Variants in SH3BGRL2 observed in about 807,000 individuals in gnomAD.
SH3BGRL2 encodes the protein SH3 domain-binding glutamic acid-rich-like protein 2.
In SH3BGRL2, 21 loss-of-function variants were observed where a neutral mutation model predicts 14.8. The ratio of observed to expected loss-of-function variants is 1.42; its 90% CI spans 1.01 to 2.05. SH3BGRL2 has a LOEUF of 2.05. Among genes scored for constraint, SH3BGRL2 ranks in the 30% most tolerant of loss-of-function variants. The pLI is 0.00. For missense variants in SH3BGRL2, 147 were observed against 130.8 expected (o/e 1.12, Z -0.61); for synonymous variants, 50 against 47.8 (o/e 1.05, Z -0.19).
At chr6:79,609,522 G>T in the SH3BGRL2 span, among the ~76,000 whole-genome samples, 1 of 152,102 alleles carries the variant, frequency 6.6e-6, no homozygotes, top group African/African-American at 2.4e-5. Context: ...AGCTCCTCAT[G>T]TGTCTGTCTG....
intron 3 of SH3BGRL2, among the ~76,000 whole-genome samples, chr6:79,699,295 C>T (rs1284444421): frequency 2.0e-5 from 3 of 151,922 alleles, no homozygotes; most frequent in African/African-American, 4.8e-5. Context: ...TTATATTTGG[C>T]AGGTCGGGTG....
At chr6:79,626,207 C>T in the SH3BGRL2 span, among the ~76,000 whole-genome samples, 1 of 152,082 alleles carries the variant, frequency 6.6e-6, no homozygotes, top group African/African-American at 2.4e-5. Context: ...TGCTTGAGGC[C>T]AGGAGTTCAA....
intron 1 of SH3BGRL2, among the ~76,000 whole-genome samples, chr6:79,638,208 T>C (rs1562144303): frequency 6.6e-6 from 1 of 152,206 alleles, no homozygotes; most frequent in Non-Finnish European, 1.5e-5. Flanking sequence ...GTTGAGAACA[T>C]GTATTTATCT....
rs145411824 is a variant in SH3BGRL2, at chr6:79,682,580, A to T, written c.231+8781A>T. ...CTCCTTTCATGACAAGATGATTATT[A>T]TATGTGTTGCTGATAAAACCGGAGT... On this transcript the variant is annotated intron_variant, in intron 2 of 3. Coordinates refer to ENST00000369838, the MANE Select transcript of SH3BGRL2 (RefSeq NM_031469.4). Among the ~76,000 whole-genome samples the T allele has an allele frequency of 2.8e-3, 416 of 149,110 alleles. 2 individuals carry two copies. The highest frequency in any genetic ancestry group is 0.013 in the South Asian group (59 of 4,636).
chr6:79,571,617 C>T, the SH3BGRL2 span, among the ~76,000 whole-genome samples: 1 of 152,142 alleles, frequency 6.6e-6, no homozygotes, highest in African/African-American at 2.4e-5. Context: ...CATCACCCAA[C>T]CTAAGAAATT....
chr6:79,593,818 A>G, the SH3BGRL2 span, among the ~76,000 whole-genome samples: 1 of 152,212 alleles, frequency 6.6e-6, no homozygotes, highest in Non-Finnish European at 1.5e-5. Context: ...ATCAATATAG[A>G]CAAAGCCATT....
chr6:79,565,553 A>G, the SH3BGRL2 span, among the ~76,000 whole-genome samples: 1 of 152,072 alleles, frequency 6.6e-6, no homozygotes, highest in Non-Finnish European at 1.5e-5. Flanking sequence ...CACAATGCAT[A>G]CTTTCTCAGT....
rs529162935 is a variant in SH3BGRL2 at position 79,670,142 on chromosome 6, TTTC to T, written c.46-3471_46-3469del. Among the ~76,000 whole-genome samples the T allele has an allele frequency of 1.6e-3, 243 of 152,376 alleles. 1 individual carries two copies. Among genetic ancestry groups the T allele is most frequent in the African/African-American group, 5.6e-3 (231 of 41,600 alleles). On this transcript the variant is annotated intron_variant, in intron 1 of 3. Coordinates refer to ENST00000369838, the MANE Select transcript of SH3BGRL2 (RefSeq NM_031469.4). ...TTGTTTATGGACACTGGTGTTTATA[TTTC>T]ATATAACTTTTACATGTCATGGAAT...
the SH3BGRL2 span, among the ~76,000 whole-genome samples, chr6:79,619,533 T>C: frequency 3.3e-5 from 5 of 152,216 alleles, no homozygotes; most frequent in African/African-American, 4.8e-5. Flanking sequence ...CTGGTCCTCA[T>C]TGGTATTTGA....
the SH3BGRL2 span, among the ~76,000 whole-genome samples, chr6:79,549,986 AAAAG>A: frequency 6.6e-6 from 1 of 152,184 alleles, no homozygotes; most frequent in Non-Finnish European, 1.5e-5. Context: ...AATGCACAGT[AAAAG>A]AAAAACATGA....
the SH3BGRL2 span, among the ~76,000 whole-genome samples, chr6:79,559,841 A>G: frequency 6.6e-6 from 1 of 152,254 alleles, no homozygotes; most frequent in Non-Finnish European, 1.5e-5. Context: ...ATAGATATAT[A>G]CTACACAAAT....
chr6:79,652,089 G>A (rs1769308310), intron 1 of SH3BGRL2, among the ~76,000 whole-genome samples: 1 of 152,158 alleles, frequency 6.6e-6, no homozygotes, highest in Non-Finnish European at 1.5e-5. Flanking sequence ...GAACAACTGG[G>A]TAGGCTTAGT....
chr6:79,573,317 T>C, the SH3BGRL2 span, among the ~76,000 whole-genome samples: 1 of 152,344 alleles, frequency 6.6e-6, no homozygotes, highest in East Asian at 1.9e-4. Flanking sequence ...GGCCTGGATC[T>C]GTTTCTGGAT....
chr6:79,653,155 A>G (rs1227950435), intron 1 of SH3BGRL2, among the ~76,000 whole-genome samples: 2 of 152,196 alleles, frequency 1.3e-5, no homozygotes, highest in Non-Finnish European at 2.9e-5. Flanking sequence ...TTAGGTTAGC[A>G]TTGTTTTAGC....
At chr6:79,686,358 A>T (rs748971844) in intron 2 of SH3BGRL2, among the ~76,000 whole-genome samples, 8 of 150,440 alleles carry the variant, frequency 5.3e-5, no homozygotes, top group Non-Finnish European at 7.4e-5. Flanking sequence ...CATCTTCAGG[A>T]TCTTTTTTCC....
intron 1 of SH3BGRL2, among the ~76,000 whole-genome samples, chr6:79,659,117 T>G (rs1368958201): frequency 1.3e-5 from 2 of 152,206 alleles, no homozygotes; most frequent in Non-Finnish European, 2.9e-5. Flanking sequence ...TAGTTTCTTT[T>G]GCCGTGCAGA....
At chr6:79,629,311 G>C (rs78615120), upstream of SH3BGRL2, among the ~76,000 whole-genome samples, 3,241 of 152,252 alleles carry the variant, frequency 0.021, 118 homozygotes, top group African/African-American at 0.074. Flanking sequence ...AAGCTCTCTT[G>C]TTTTCCCAGT....
the SH3BGRL2 span, among the ~76,000 whole-genome samples, chr6:79,555,442 TC>T: frequency 6.6e-6 from 1 of 152,012 alleles, no homozygotes; most frequent in Non-Finnish European, 1.5e-5. Flanking sequence ...AGAGCAAGAC[TC>T]CATCTCAAAA....
At chr6:79,618,507 ACCAGC>A in the SH3BGRL2 span, among the ~76,000 whole-genome samples, 1 of 152,276 alleles carries the variant, frequency 6.6e-6, no homozygotes, top group East Asian at 1.9e-4. Flanking sequence ...GGAGTTTGAG[ACCAGC>A]CTGGCCAACA....
Sources: allele counts gnomAD v4.1 joint callset (sites outside exome capture counted in the v4.1 genomes callset), GRCh38; gene constraint gnomAD v4.1.1; transcripts MANE v1.5; gene names NCBI Gene and HGNC (gene_info 2026-07-23, HGNC 2026-07-21).